The following STX6 variants were observed in gnomAD, a reference collection of about 807,000 sequenced individuals.
The protein encoded by STX6 is syntaxin-6.
In STX6, 23 loss-of-function variants were observed where a neutral mutation model predicts 38.0. The ratio of observed to expected loss-of-function variants is 0.60; its 90% CI spans 0.43 to 0.86. The LOEUF (loss-of-function observed/expected upper bound fraction) is 0.86. STX6 is among the 40% of genes least tolerant of loss of function. The pLI, the probability that STX6 is intolerant of heterozygous loss-of-function variation, is 0.00. For synonymous variants in STX6, 123 were observed against 107.5 expected (o/e 1.14, Z -0.89); for missense variants, 274 against 312.9 (o/e 0.88, Z 0.94).
At position 180,990,059 on chromosome 1, in the gene STX6, A is replaced by T; in HGVS notation, c.414T>A (p.Asp138Glu). 2 of 1,614,130 alleles carry T rather than the reference A, an allele frequency of 1.2e-6. No homozygotes were observed. Among genetic ancestry groups the T allele is most frequent in the Non-Finnish European group, 1.7e-6 (2 of 1,180,016 alleles). The change falls in exon 5 of 8, where the codon GAT becomes GAA. Residue 138 changes from aspartate to glutamate, a missense_variant. Physicochemically the swap from Asp to Glu is conservative, Grantham distance 45. Coordinates refer to ENST00000258301, the MANE Select transcript of STX6 (RefSeq NM_005819.6). ...GSQNWSTGTT[D>E]KYGRLDRELQ... is the part of the protein sequence containing the mutation. ...GCTCTCGGTCCAGACGCCCATATTT[A>T]TCTGTTGTTCCAGTGCTCCAGTTCT...
intron 4 of STX6, among the ~76,000 whole-genome samples, chr1:180,990,877 A>G (rs1222452356): frequency 6.6e-6 from 1 of 152,202 alleles, no homozygotes; most frequent in African/African-American, 2.4e-5. Flanking sequence ...CATGAAGAAG[A>G]CAGGCAGGAA....
rs1321120531 is a variant in STX6, at chr1:180,974,562, T to C, written c.*2008A>G. On this transcript the variant is annotated 3_prime_UTR_variant, in exon 8 of 8. Transcript: ENST00000258301. ...AATAAATCTGGTAATAGCAGAACAA[T>C]AGCATGGCTTTTAAATAGGGTAATT... The C allele has an allele frequency of 6.6e-6, 1 of 152,634 alleles. No homozygotes were observed. The highest frequency in any genetic ancestry group is 6.5e-5 in the Admixed American group (1 of 15,286). 9.5% of individuals were successfully genotyped at this position (152,634 alleles called of 1,614,324 possible). A position where few individuals can be genotyped will look rare whatever the true frequency, so the allele number is the denominator to read the frequency against.
intron 1 of STX6, among the ~76,000 whole-genome samples, chr1:181,010,887 T>C (rs922981739): frequency 1.3e-5 from 2 of 152,224 alleles, no homozygotes; most frequent in African/African-American, 2.4e-5. Context: ...TTACAGGCCA[T>C]GCTTTCAGAA....
rs1257694333 is a variant in STX6, at chr1:180,989,912, T to A, written c.489+72A>T. On this transcript the variant is annotated intron_variant, in intron 5 of 7. Transcript: ENST00000258301. ...CTTGTCACTAAGCCACAAGACCCCA[T>A]GGCTGGCAAAGGAACTAAGGGGGTG... 3.2e-6 allele frequency: 5 copies of A among 1,581,124 alleles called. No homozygotes were observed. In the African/African-American group the frequency reaches 6.7e-5, roughly 21 times the overall value.
chr1:181,022,588 C>G, intron 1 of STX6, 51 bp downstream of exon 1: 2 of 1,572,764 alleles, frequency 1.3e-6, no homozygotes, highest in Non-Finnish European at 1.7e-6. Context: ...GAGGTGCGGG[C>G]AGGCAGCACC....
At chr1:181,002,849 TC>T in intron 2 of STX6, 149 bp from the exon 3 acceptor site, 1 of 594,248 alleles carries the variant, frequency 1.7e-6, no homozygotes, top group South Asian at 1.9e-5. Context: ...TTCTCAGACT[TC>T]CTCTGCCCAC....
Position 181,005,960 on chromosome 1 carries a change from G to A in STX6, c.36-497C>T, listed in dbSNP as rs185240005. Among the ~76,000 whole-genome samples the A allele has an allele frequency of 3.5e-4, 53 of 152,210 alleles. No individual in the cohort carries two copies. In the East Asian group the frequency reaches 7.3e-3, roughly 21 times the overall value. On this transcript the variant is annotated intron_variant, in intron 1 of 7. Coordinates refer to ENST00000258301, the MANE Select transcript of STX6 (RefSeq NM_005819.6). ...TATTATAGGTTAAGTATTTTAATCCGAGAAATTCTTAAACCCAAAATCTCA... is the reference window on the plus strand; with the variant it reads ...TATTATAGGTTAAGTATTTTAATCCAAGAAATTCTTAAACCCAAAATCTCA...
chr1:180,982,655 T>C (rs1218900768), intron 7 of STX6, among the ~76,000 whole-genome samples: 1 of 152,378 alleles, frequency 6.6e-6, no homozygotes, highest in East Asian at 1.9e-4. Flanking sequence ...GAACTGGTGC[T>C]GAAGTAGCTA....
Position 180,976,409 on chromosome 1 carries a change from T to A in STX6, c.*161A>T. On this transcript the variant is annotated 3_prime_UTR_variant, in exon 8 of 8. Transcript: ENST00000258301. The stretch of plus-strand genomic sequence containing the variant: ...CCCACTGGCCCTTCCAGCGCTGGGA[T>A]GGAGGAGCCATGTCAATTGTGGGGT... The A allele has an allele frequency of 1.5e-6, 1 of 664,698 alleles. No individual in the cohort carries two copies. The highest frequency in any genetic ancestry group is 2.3e-5 in the Admixed American group (1 of 42,800). The allele number at this position is 664,698 out of a possible 1,614,324, so 41.2% of individuals were successfully genotyped here. A position where few individuals can be genotyped will look rare whatever the true frequency, so the allele number is the denominator to read the frequency against.
At chr1:180,997,116 C>T (rs976417315) in intron 3 of STX6, among the ~76,000 whole-genome samples, 1 of 152,170 alleles carries the variant, frequency 6.6e-6, no homozygotes, top group South Asian at 2.1e-4. Context: ...TTAATAGCTG[C>T]ACTAAGTTTC....
chr1:180,997,222 T>C (rs1453199986), intron 3 of STX6, among the ~76,000 whole-genome samples: 1 of 152,200 alleles, frequency 6.6e-6, no homozygotes, highest in Admixed American at 6.5e-5. Context: ...GCCAACAATA[T>C]AGTAAGCACT....
intron 3 of STX6, among the ~76,000 whole-genome samples, chr1:180,993,867 C>T (rs1245819381): frequency 6.8e-6 from 1 of 148,080 alleles, no homozygotes; most frequent in Non-Finnish European, 1.5e-5. Context: ...AGCACGTGTT[C>T]AAGGGCTTGC....
intron 3 of STX6, among the ~76,000 whole-genome samples, chr1:180,997,409 G>GA (rs1655944370): frequency 6.6e-6 from 1 of 152,138 alleles, no homozygotes; most frequent in Non-Finnish European, 1.5e-5. Flanking sequence ...AGTATGTCTA[G>GA]AAAAAATTGG....
intron 1 of STX6, among the ~76,000 whole-genome samples, chr1:181,016,503 G>A (rs556656066): frequency 1.8e-4 from 27 of 152,210 alleles, no homozygotes; most frequent in African/African-American, 6.0e-4. Context: ...TTCTTACAAC[G>A]AAACACTGGA....
At chr1:181,002,774 T>A in intron 2 of STX6, 74 bp from the exon 3 acceptor site, 1 of 990,068 alleles carries the variant, frequency 1.0e-6, no homozygotes, top group Non-Finnish European at 1.6e-6. Flanking sequence ...ACTGAATCTC[T>A]CACATGCAAA....
chr1:180,982,008 A>C (rs1316823297), intron 7 of STX6, among the ~76,000 whole-genome samples: 1 of 152,220 alleles, frequency 6.6e-6, no homozygotes, highest in Non-Finnish European at 1.5e-5. Flanking sequence ...AGAGGGAAAA[A>C]AATCTCAGTA....
In STX6 at chr1:180,976,268, C is replaced by T. The variant is rs1655245168; in HGVS notation, c.*302G>A. Reference sequence around the variant, plus strand: ...CCAGTGGAGTCTGTAAGTCCCTCCTCAGCAAACGAGGTCCCGGAAGGCAAG... The same window carrying T: ...CCAGTGGAGTCTGTAAGTCCCTCCTTAGCAAACGAGGTCCCGGAAGGCAAG... On this transcript the variant is annotated 3_prime_UTR_variant, in exon 8 of 8. Transcript: ENST00000258301. 2.7e-6 allele frequency: 1 copy of T among 373,714 alleles called. No homozygotes were observed. The allele number at this position is 373,714 out of a possible 1,614,324, so 23.1% of individuals were successfully genotyped here.
At chr1:180,989,855 A>C in intron 5 of STX6, 129 bp downstream of exon 5, 1 of 1,139,346 alleles carries the variant, frequency 8.8e-7, no homozygotes, top group Non-Finnish European at 1.3e-6. Flanking sequence ...TATTAAACAC[A>C]ATCAACACAG....
chr1:180,989,606 GAACT>G (rs1158585025), intron 5 of STX6, among the ~76,000 whole-genome samples: 21 of 152,016 alleles, frequency 1.4e-4, no homozygotes, highest in Middle Eastern at 3.4e-3. Flanking sequence ...TTTTCTAAGA[GAACT>G]AACTGAGCTT....
Sources: allele counts gnomAD v4.1 joint callset (sites outside exome capture counted in the v4.1 genomes callset), GRCh38; gene constraint gnomAD v4.1.1; transcripts MANE v1.5; gene names NCBI Gene and HGNC (gene_info 2026-07-23, HGNC 2026-07-21).